The following MAGI1 variants were observed in gnomAD, a reference collection of about 807,000 sequenced individuals.
MAGI1 encodes membrane-associated guanylate kinase, WW and PDZ domain-containing protein 1.
In MAGI1, 58 loss-of-function variants were observed where a neutral mutation model predicts 139.9. The observed-to-expected ratio is 0.41, with a 90% CI of 0.34 to 0.52. The LOEUF is 0.52. MAGI1 is among the 20% of genes least tolerant of loss of function. The probability of loss-of-function intolerance (pLI) is 0.12; values close to 1 mark genes in which losing one functional copy is unlikely to be tolerated. For missense variants in MAGI1, 1,874 were observed against 1,901.6 expected (o/e 0.99, Z 0.27); for synonymous variants, 812 against 737.9 (o/e 1.10, Z -1.63).
At chr3:65,808,015 T>A (rs2040981371) in intron 1 of MAGI1, among the ~76,000 whole-genome samples, 1 of 151,952 alleles carries the variant, frequency 6.6e-6, no homozygotes, top group African/African-American at 2.4e-5. Context: ...CAGGACTTTT[T>A]TTTTTTTTTG....
At chr3:65,900,864 A>G (rs1379812261) in intron 1 of MAGI1, among the ~76,000 whole-genome samples, 1 of 152,234 alleles carries the variant, frequency 6.6e-6, no homozygotes, top group Non-Finnish European at 1.5e-5. Flanking sequence ...TTCCAGCTTC[A>G]GTCTGGATGA....
At chr3:65,656,715 AG>A (rs1428732143) in intron 1 of MAGI1, among the ~76,000 whole-genome samples, 1 of 152,076 alleles carries the variant, frequency 6.6e-6, no homozygotes, top group Non-Finnish European at 1.5e-5. Flanking sequence ...AAAGAGACAC[AG>A]GGCCAGACCT....
At chr3:65,808,239 C>A (rs1309545161) in intron 1 of MAGI1, among the ~76,000 whole-genome samples, 1 of 152,142 alleles carries the variant, frequency 6.6e-6, no homozygotes, top group South Asian at 2.1e-4. Flanking sequence ...CCCGCCTTGG[C>A]CTCCCAAATT....
intron 1 of MAGI1, among the ~76,000 whole-genome samples, chr3:66,012,603 T>G (rs2067380930): frequency 1.3e-5 from 2 of 151,852 alleles, no homozygotes; most frequent in African/African-American, 4.8e-5. Context: ...CCATCTCTAC[T>G]AAAAATACAA....
intron 1 of MAGI1, among the ~76,000 whole-genome samples, chr3:66,031,685 A>C (rs1442871711): frequency 1.3e-5 from 2 of 151,866 alleles, no homozygotes; most frequent in African/African-American, 4.8e-5. Flanking sequence ...TGAAAGTTTA[A>C]GTTAAAAAAA....
intron 1 of MAGI1, among the ~76,000 whole-genome samples, chr3:65,713,962 C>T (rs946808347): frequency 6.6e-6 from 1 of 152,066 alleles, no homozygotes; most frequent in Non-Finnish European, 1.5e-5. Flanking sequence ...ATAAGAACCA[C>T]GAAGGGGACA....
chr3:65,993,180 T>G (rs2066269302), intron 1 of MAGI1, among the ~76,000 whole-genome samples: 1 of 152,200 alleles, frequency 6.6e-6, no homozygotes, highest in East Asian at 1.9e-4. Context: ...GCATCCCATT[T>G]AACTGAGAGC....
intron 2 of MAGI1, among the ~76,000 whole-genome samples, chr3:65,614,489 G>A (rs2083272866): frequency 6.6e-6 from 1 of 152,048 alleles, no homozygotes; most frequent in Non-Finnish European, 1.5e-5. Flanking sequence ...AGGATAAAAG[G>A]AAATAATGTA....
intron 2 of MAGI1, among the ~76,000 whole-genome samples, chr3:65,611,098 T>C (rs1559718912): frequency 7.3e-6 from 1 of 136,096 alleles, no homozygotes; most frequent in African/African-American, 2.8e-5. Context: ...ACATATATAA[T>C]ATATAGTATA....
intron 1 of MAGI1, among the ~76,000 whole-genome samples, chr3:65,661,748 T>TA (rs1208947812): frequency 7.5e-6 from 1 of 133,808 alleles, no homozygotes; most frequent in Non-Finnish European, 1.6e-5. Context: ...TTTTTCTGTT[T>TA]TTTTTTTTTT....
intron 1 of MAGI1, among the ~76,000 whole-genome samples, chr3:66,022,539 C>T (rs1398936548): frequency 6.6e-6 from 1 of 152,160 alleles, no homozygotes; most frequent in Admixed American, 6.5e-5. Context: ...CAGGACATTT[C>T]CTTGGATGTA....
At chr3:65,449,193 C>T (rs1296362354) in intron 6 of MAGI1, among the ~76,000 whole-genome samples, 1 of 151,968 alleles carries the variant, frequency 6.6e-6, no homozygotes, top group Non-Finnish European at 1.5e-5. Flanking sequence ...TTAATGGATG[C>T]AGCACACCAA....
intron 5 of MAGI1, among the ~76,000 whole-genome samples, chr3:65,466,038 T>C (rs1350398681): frequency 6.6e-6 from 1 of 152,180 alleles, no homozygotes; most frequent in Non-Finnish European, 1.5e-5. Context: ...AGCTTTTTGT[T>C]TTGGCTACTG....
At chr3:66,009,577 T>A (rs2067215945) in intron 1 of MAGI1, among the ~76,000 whole-genome samples, 1 of 152,126 alleles carries the variant, frequency 6.6e-6, no homozygotes. Context: ...CTACACAAGG[T>A]AAACTTTCCA....
chr3:65,867,594 G>A (rs1244956254), intron 1 of MAGI1, among the ~76,000 whole-genome samples: 1 of 152,132 alleles, frequency 6.6e-6, no homozygotes, highest in Non-Finnish European at 1.5e-5. Flanking sequence ...AATTAGCCAG[G>A]TATAGTGGCC....
intron 6 of MAGI1, among the ~76,000 whole-genome samples, chr3:65,449,268 TATA>T (rs557008144): frequency 9.2e-5 from 14 of 152,078 alleles, no homozygotes; most frequent in Non-Finnish European, 1.3e-4. Context: ...GAACTTAAAG[TATA>T]ATAATAATAA....
intron 1 of MAGI1, among the ~76,000 whole-genome samples, chr3:66,023,301 T>G (rs2068059143): frequency 6.6e-6 from 1 of 152,122 alleles, no homozygotes; most frequent in Non-Finnish European, 1.5e-5. Flanking sequence ...CCAAACCAAG[T>G]AAGATTTTAA....
chr3:65,376,732 C>T (rs1942572943), intron 17 of MAGI1, among the ~76,000 whole-genome samples: 1 of 152,160 alleles, frequency 6.6e-6, no homozygotes, highest in South Asian at 2.1e-4. Context: ...AATCTAGTAC[C>T]TATTCAGGCT....
At chr3:65,802,273 T>C (rs1456408305) in intron 1 of MAGI1, among the ~76,000 whole-genome samples, 1 of 152,168 alleles carries the variant, frequency 6.6e-6, no homozygotes, top group Non-Finnish European at 1.5e-5. Flanking sequence ...CTCCTTTCCA[T>C]ATCCTATCAG....
Sources: gnomAD v4.1 joint callset for allele counts (sites outside exome capture counted in the v4.1 genomes callset) on GRCh38, gnomAD v4.1.1 for gene constraint, MANE v1.5 for transcripts, NCBI Gene and HGNC (gene_info 2026-07-23, HGNC 2026-07-21) for gene names.